SHROOM2: variants seen among roughly 807,000 people sequenced by gnomAD.
SHROOM2 encodes shroom family member 2, also known as protein Shroom2.
In SHROOM2, 33 loss-of-function variants were observed where a neutral mutation model predicts 75.9. The observed-to-expected ratio is 0.43, with a 90% CI of 0.33 to 0.58. The LOEUF is 0.58. SHROOM2 is among the 20% of genes least tolerant of loss of function. The pLI, the probability that SHROOM2 is intolerant of heterozygous loss-of-function variation, is 0.04. For synonymous variants in SHROOM2, 655 were observed against 663.6 expected (o/e 0.99, Z 0.20); for missense variants, 1,434 against 1,461.2 (o/e 0.98, Z 0.30).
At position 9,873,643 on chromosome X, in the gene SHROOM2, C is replaced by T; in HGVS notation, c.166-9C>T. The T allele has an allele frequency of 8.3e-7, 1 of 1,211,308 alleles. No homozygotes were observed. Among genetic ancestry groups the T allele is most frequent in the Middle Eastern group, 2.3e-4 (1 of 4,341 alleles). On this transcript the variant is annotated splice_polypyrimidine_tract_variant and intron_variant, in intron 1 of 9. Coordinates refer to ENST00000380913, the MANE Select transcript of SHROOM2 (RefSeq NM_001649.4). ...TGGAAGGCTCATGGAACATGCTTCT[C>T]TGTTACAGATTGAAGAGGGCAGTAA...
chrX:9,945,877 G>A (rs537764983), intron 9 of SHROOM2, among the ~76,000 whole-genome samples: 1 of 112,825 alleles, frequency 8.9e-6, no homozygotes, highest in African/African-American at 3.2e-5. Context: ...TGTTTGCACA[G>A]AACAGGCCTT....
intron 1 of SHROOM2, among the ~76,000 whole-genome samples, chrX:9,802,560 C>A (rs2083729157): frequency 9.0e-6 from 1 of 111,584 alleles, no homozygotes; most frequent in Non-Finnish European, 1.9e-5. Flanking sequence ...GGAATGCCCT[C>A]GGTGGCCCTC....
At chrX:9,891,909 G>A (rs185943002) in intron 3 of SHROOM2, among the ~76,000 whole-genome samples, 81 of 109,604 alleles carry the variant, frequency 7.4e-4, no homozygotes, top group Non-Finnish European at 1.4e-3. Flanking sequence ...GCGTGCACAC[G>A]CAGGTATGTG....
At chrX:9,882,695 G>A (rs1392671374) in intron 2 of SHROOM2, among the ~76,000 whole-genome samples, 1 of 111,700 alleles carries the variant, frequency 9.0e-6, no homozygotes, top group Admixed American at 9.5e-5. Context: ...GGCCAGAGGC[G>A]GGGCACGCTC....
intron 1 of SHROOM2, among the ~76,000 whole-genome samples, chrX:9,810,172 A>G (rs946276693): frequency 1.8e-5 from 2 of 111,414 alleles, no homozygotes; most frequent in African/African-American, 3.3e-5. Context: ...ACCCTCTTCT[A>G]CTACCCATTC....
At chrX:9,903,024 T>A (rs997022662) in intron 5 of SHROOM2, among the ~76,000 whole-genome samples, 3 of 111,969 alleles carry the variant, frequency 2.7e-5, no homozygotes, top group East Asian at 2.8e-4. Context: ...TAGGGAAAAA[T>A]TTGCTTTCAT....
chrX:9,928,935 A>T (rs1339148577), intron 5 of SHROOM2, among the ~76,000 whole-genome samples: 1 of 112,710 alleles, frequency 8.9e-6, no homozygotes, highest in Non-Finnish European at 1.9e-5. Flanking sequence ...ACAGACATTT[A>T]TACACATACA....
chrX:9,862,141 A>G (rs1488827781), intron 1 of SHROOM2, among the ~76,000 whole-genome samples: 4 of 111,999 alleles, frequency 3.6e-5, no homozygotes, highest in Admixed American at 9.5e-5. Context: ...TTTGTGAAAA[A>G]GTTTGCTCAC....
At chrX:9,799,922 A>G (rs758282236) in intron 1 of SHROOM2, among the ~76,000 whole-genome samples, 1 of 111,415 alleles carries the variant, frequency 9.0e-6, no homozygotes, top group Non-Finnish European at 1.9e-5. Flanking sequence ...TAAACTCAGC[A>G]CAATCCAAAT....
At chrX:9,850,432 C>A (rs1160705297) in intron 1 of SHROOM2, among the ~76,000 whole-genome samples, 1 of 111,914 alleles carries the variant, frequency 8.9e-6, no homozygotes, top group African/African-American at 3.3e-5. Flanking sequence ...GCGGCCTGCT[C>A]CCTGGTTGCT....
chrX:9,941,664 A>G (rs909423908), intron 8 of SHROOM2, among the ~76,000 whole-genome samples: 1 of 111,628 alleles, frequency 9.0e-6, no homozygotes, highest in African/African-American at 3.2e-5. Context: ...TTGCTGAAGA[A>G]TAATGGCACT....
chrX:9,799,463 G>C (rs912867727), intron 1 of SHROOM2, among the ~76,000 whole-genome samples: 1 of 110,881 alleles, frequency 9.0e-6, no homozygotes, highest in Admixed American at 9.6e-5. Flanking sequence ...ACCACGCCTG[G>C]CCTGAGAGTT....
intron 1 of SHROOM2, among the ~76,000 whole-genome samples, chrX:9,807,625 G>A (rs906290220): frequency 8.9e-5 from 10 of 112,460 alleles, no homozygotes; most frequent in Non-Finnish European, 1.3e-4. Flanking sequence ...GGTCTAGGCC[G>A]TAAAAAAAGC....
chrX:9,875,567 A>T (rs1210964329), intron 2 of SHROOM2, among the ~76,000 whole-genome samples: 1 of 111,776 alleles, frequency 8.9e-6, no homozygotes, highest in Admixed American at 9.5e-5. Context: ...CTCTTCTTTG[A>T]TGGAGACACC....
intron 2 of SHROOM2, among the ~76,000 whole-genome samples, chrX:9,885,056 T>C (rs1340889605): frequency 9.0e-6 from 1 of 111,209 alleles, no homozygotes; most frequent in Non-Finnish European, 1.9e-5. Flanking sequence ...TAAAAAATTT[T>C]TGAATTAAAT....
chrX:9,827,103 TAGTC>T (rs1326026488), intron 1 of SHROOM2, among the ~76,000 whole-genome samples: 1 of 111,312 alleles, frequency 9.0e-6, no homozygotes, highest in Non-Finnish European at 1.9e-5. Context: ...CCAGGCCAGT[TAGTC>T]AGGAGATGGA....
chrX:9,881,461 A>G (rs1168123436), intron 2 of SHROOM2, among the ~76,000 whole-genome samples: 1 of 111,763 alleles, frequency 8.9e-6, no homozygotes, highest in African/African-American at 3.3e-5. Flanking sequence ...GTGATCAAAT[A>G]AGGGAAGATT....
At chrX:9,792,044 T>A (rs373108571) in intron 1 of SHROOM2, among the ~76,000 whole-genome samples, 15,829 of 23,070 alleles carry the variant, frequency 0.69, 2,979 homozygotes, top group Middle Eastern at 0.77. Flanking sequence ...TAGAATAGAA[T>A]AGAATAGAAT....
intron 1 of SHROOM2, among the ~76,000 whole-genome samples, chrX:9,837,060 C>T (rs970671103): frequency 6.2e-5 from 7 of 112,631 alleles, no homozygotes; most frequent in South Asian, 3.7e-4. Flanking sequence ...CATTCCCTTC[C>T]GGTGCCAAGT....
Sources: gnomAD v4.1 joint callset for allele counts (sites outside exome capture counted in the v4.1 genomes callset) on GRCh38, gnomAD v4.1.1 for gene constraint, MANE v1.5 for transcripts, NCBI Gene and HGNC (gene_info 2026-07-23, HGNC 2026-07-21) for gene names.